Variants in ADAM23 observed in about 807,000 individuals in gnomAD.
ADAM23 encodes the protein ADAM metallopeptidase domain 23.
ADAM23 carries 33 observed loss-of-function variants against 120.1 expected under a neutral mutation model. That is an observed-to-expected ratio of 0.27 (90% CI 0.21 to 0.37). The LOEUF (loss-of-function observed/expected upper bound fraction) is 0.37, where lower values mean the gene tolerates loss of function less well. Ranked by LOEUF, ADAM23 falls within the 10% of genes least tolerant of loss-of-function variation. ADAM23 has a pLI of 1.00. For synonymous variants in ADAM23, 367 were observed against 375.2 expected (o/e 0.98, Z 0.25); for missense variants, 862 against 1,058.2 (o/e 0.81, Z 2.57).
At position 206,592,701 on chromosome 2, in the gene ADAM23, T is replaced by C; in HGVS notation, c.2043T>C (p.Thr681=). 1 of 1,614,102 alleles carries C rather than the reference T, an allele frequency of 6.2e-7. No individual in the cohort carries two copies. The highest frequency in any genetic ancestry group is 8.5e-7 in the Non-Finnish European group (1 of 1,179,966). Residue 681 remains threonine (T), a synonymous_variant, in exon 22 of 26, where the codon ACT becomes ACC. Transcript: ENST00000264377. ...IGQLQGEIIP[T]SFYHQGRVID... is the part of the protein sequence containing the mutation. The stretch of plus-strand genomic sequence containing the variant: ...AACTTCAGGGTGAGATCATTCCAAC[T>C]TCCTTCTACCATCAAGGCCGGGTGA...
At chr2:206,501,584 A>G (rs1373263251) in intron 3 of ADAM23, among the ~76,000 whole-genome samples, 1 of 148,780 alleles carries the variant, frequency 6.7e-6, no homozygotes, top group Non-Finnish European at 1.5e-5. Context: ...TATAAAAAGA[A>G]CTTTTCTAAG....
chr2:206,505,862 G>A (rs372197203), intron 3 of ADAM23, among the ~76,000 whole-genome samples: 28 of 152,264 alleles, frequency 1.8e-4, no homozygotes, highest in African/African-American at 6.7e-4. Context: ...TCTGGCTCTG[G>A]ATCTCCACCG....
intron 3 of ADAM23, among the ~76,000 whole-genome samples, chr2:206,497,152 T>C (rs1459631572): frequency 3.9e-5 from 6 of 152,230 alleles, no homozygotes; most frequent in Non-Finnish European, 7.3e-5. Context: ...ACTCATTTTA[T>C]GAGGCCAGCA....
At chr2:206,587,718 CAT>C (rs891159955) in intron 19 of ADAM23, among the ~76,000 whole-genome samples, 18 of 152,010 alleles carry the variant, frequency 1.2e-4, no homozygotes, top group Non-Finnish European at 2.4e-4. Flanking sequence ...CCCCTGAAGC[CAT>C]ATTATAACCT....
chr2:206,546,005 T>G (rs1697389385), intron 6 of ADAM23, among the ~76,000 whole-genome samples: 1 of 152,230 alleles, frequency 6.6e-6, no homozygotes, highest in Admixed American at 6.5e-5. Flanking sequence ...TTAATAAATG[T>G]AGGTGACAAT....
At position 206,492,928 on chromosome 2, in the gene ADAM23, CTT is replaced by C. The variant is rs1696162872; in HGVS notation, c.509+11622_509+11623del. ...ATGTGAACCTTAGAGAAATAAAAAA[CTT>C]TATATCATTTGTGTCTTAACCTTGC... is the stretch of plus-strand genomic sequence containing the variant. On this transcript the variant is annotated intron_variant, in intron 3 of 25. Transcript: ENST00000264377. Among the ~76,000 whole-genome samples, 6 of 152,248 alleles carry C rather than the reference CTT, an allele frequency of 3.9e-5. No individual in the cohort carries two copies. The South Asian group carries it at 1.2e-3, about 32-fold the overall frequency.
rs746571394 is a variant in ADAM23 at position 206,472,614 on chromosome 2, G to GA, written c.433-8618_433-8617insA. On this transcript the variant is annotated intron_variant, in intron 2 of 25. Coordinates refer to ENST00000264377, the MANE Select transcript of ADAM23 (RefSeq NM_003812.4). ...TGACAAAGCGAGACTCCATCTCAGG[G>GA]GAAAAAAAAAAAAAGAGTACCTCAA... Among the ~76,000 whole-genome samples the GA allele has an allele frequency of 7.4e-3, 511 of 68,926 alleles. 1 individual carries two copies. Among genetic ancestry groups the GA allele is most frequent in the Non-Finnish European group, 0.012 (422 of 34,622 alleles). The allele number at this position is 68,926 out of a possible 152,430, so 45.2% of individuals were successfully genotyped here.
chr2:206,473,657 C>T (rs1695711888), intron 2 of ADAM23, among the ~76,000 whole-genome samples: 1 of 151,556 alleles, frequency 6.6e-6, no homozygotes, highest in Admixed American at 6.6e-5. Context: ...ATATTTTTCA[C>T]TCTTTTCAGT....
Position 206,543,257 on chromosome 2 carries a change from A to G in ADAM23, c.661A>G (p.Met221Val). The G allele has an allele frequency of 6.2e-7, 1 of 1,613,862 alleles. No homozygotes were observed. Among genetic ancestry groups the G allele is most frequent in the Non-Finnish European group, 8.5e-7 (1 of 1,179,906 alleles). ...ALSTCNGLHG[M>V]FEDDTFVYMI... Reference sequence around the variant, plus strand: ...GTGTGGTTTCTTTTGTGCTAGTGGCATGTTTGAAGATGATACCTTCGTGTA... The same window carrying G: ...GTGTGGTTTCTTTTGTGCTAGTGGCGTGTTTGAAGATGATACCTTCGTGTA... The change falls in exon 6 of 26, where the codon ATG becomes GTG. Residue 221 changes from methionine (M) to valine (V), a missense_variant. Met to Val is a conservative substitution (Grantham distance 21, BLOSUM62 1). Coordinates refer to ENST00000264377, the MANE Select transcript of ADAM23 (RefSeq NM_003812.4).
chr2:206,456,686 A>G (rs530121444), intron 2 of ADAM23, among the ~76,000 whole-genome samples: 3 of 152,204 alleles, frequency 2.0e-5, no homozygotes, highest in African/African-American at 7.2e-5. Context: ...ATCCTGCCAC[A>G]TTAAAAAAAA....
intron 3 of ADAM23, among the ~76,000 whole-genome samples, chr2:206,509,448 T>C (rs1050558393): frequency 2.0e-5 from 3 of 152,124 alleles, no homozygotes; most frequent in Non-Finnish European, 4.4e-5. Flanking sequence ...GTATTTTCTT[T>C]TTTCTTTTTT....
intron 2 of ADAM23, 74 bp downstream of exon 2, chr2:206,445,598 C>T: frequency 7.6e-7 from 1 of 1,323,288 alleles, no homozygotes; most frequent in South Asian, 1.4e-5. Context: ...CTGCCAGAAT[C>T]TGAGTTCACA....
intron 2 of ADAM23, among the ~76,000 whole-genome samples, chr2:206,446,967 G>A (rs1028216809): frequency 6.6e-6 from 1 of 152,152 alleles, no homozygotes; most frequent in Non-Finnish European, 1.5e-5. Context: ...AGAGTTAAGT[G>A]GTTAGTTCTC....
At position 206,485,638 on chromosome 2, in the gene ADAM23, AT is replaced by A. The variant is rs1055716338; in HGVS notation, c.509+4333del. On this transcript the variant is annotated intron_variant, in intron 3 of 25. Coordinates refer to ENST00000264377, the MANE Select transcript of ADAM23 (RefSeq NM_003812.4). ...CATGGCAGTGCTGTGTGTTTTATTC[AT>A]TTGTTCAGCAAATGTTGAGTGAGCA... Among the ~76,000 whole-genome samples, 22 of 152,150 alleles carry A rather than the reference AT, an allele frequency of 1.4e-4. 1 individual carries two copies. Among genetic ancestry groups the A allele is most frequent in the African/African-American group, 5.1e-4 (21 of 41,430 alleles).
chr2:206,567,502 A>G (rs369028351), intron 15 of ADAM23, among the ~76,000 whole-genome samples, 180 bp downstream of exon 15: 102 of 152,298 alleles, frequency 6.7e-4, no homozygotes, highest in African/African-American at 2.2e-3. Flanking sequence ...GAATGACAAA[A>G]CCATAGATTC....
intron 21 of ADAM23, among the ~76,000 whole-genome samples, chr2:206,591,807 C>T (rs1698431171): frequency 1.3e-5 from 2 of 152,210 alleles, no homozygotes; most frequent in South Asian, 4.1e-4. Context: ...ATTTCACCAA[C>T]ACTTGGTATT....
intron 22 of ADAM23, among the ~76,000 whole-genome samples, chr2:206,594,074 T>G (rs1009263731): frequency 6.6e-6 from 1 of 151,914 alleles, no homozygotes; most frequent in Non-Finnish European, 1.5e-5. Context: ...TACAGAAGTG[T>G]AGCCCAGGAG....
At chr2:206,471,853 G>T (rs1695665927) in intron 2 of ADAM23, among the ~76,000 whole-genome samples, 2 of 152,156 alleles carry the variant, frequency 1.3e-5, no homozygotes, top group African/African-American at 4.8e-5. Context: ...GGTAACTGTT[G>T]TCATAGTTGT....
At chr2:206,525,455 G>A (rs569393417) in intron 3 of ADAM23, among the ~76,000 whole-genome samples, 7 of 152,260 alleles carry the variant, frequency 4.6e-5, no homozygotes, top group Non-Finnish European at 8.8e-5. Context: ...ATCTTTTCTA[G>A]TAGCCTTCCT....
Sources: gnomAD v4.1 joint callset for allele counts (sites outside exome capture counted in the v4.1 genomes callset) on GRCh38, gnomAD v4.1.1 for gene constraint, MANE v1.5 for transcripts, NCBI Gene and HGNC (gene_info 2026-07-23, HGNC 2026-07-21) for gene names.